Variants in ALOX5AP observed in about 807,000 individuals in gnomAD.
ALOX5AP encodes arachidonate 5-lipoxygenase activating protein.
ALOX5AP carries 9 observed loss-of-function variants against 18.5 expected under a neutral mutation model. The ratio of observed to expected loss-of-function variants is 0.49; its 90% confidence interval spans 0.29 to 0.85. The LOEUF is 0.85. Among genes scored for constraint, ALOX5AP ranks in the 40% least tolerant of loss-of-function variants. The probability of loss-of-function intolerance (pLI) is 0.08; values close to 1 mark genes in which losing one functional copy is unlikely to be tolerated. For missense variants in ALOX5AP, 172 were observed against 202.5 expected, an observed-to-expected ratio of 0.85 and a Z score of 0.91; for synonymous variants, 81 against 78.6, an observed-to-expected ratio of 1.03 and a Z score of -0.16.
At chr13:30,747,561 G>C (rs1951819239) in intron 2 of ALOX5AP, among the ~76,000 whole-genome samples, 1 of 152,224 alleles carries the variant, frequency 6.6e-6, no homozygotes, top group African/African-American at 2.4e-5. Context: ...GGTTTTTGGA[G>C]AAAAATCCTT....
intron 4 of ALOX5AP, among the ~76,000 whole-genome samples, chr13:30,763,073 C>T (rs1309015461): frequency 1.3e-5 from 2 of 152,128 alleles, no homozygotes; most frequent in African/African-American, 2.4e-5. Flanking sequence ...TTTGGGAGGC[C>T]GAGGTGAGTG....
chr13:30,757,973 G>A (rs1000778845), intron 4 of ALOX5AP, among the ~76,000 whole-genome samples: 9 of 152,004 alleles, frequency 5.9e-5, no homozygotes, highest in Admixed American at 1.3e-4. Context: ...CCCATAACCC[G>A]CCATCTGCGC....
intron 4 of ALOX5AP, among the ~76,000 whole-genome samples, chr13:30,762,045 G>T (rs1003519286): frequency 6.6e-6 from 1 of 152,190 alleles, no homozygotes; most frequent in African/African-American, 2.4e-5. Flanking sequence ...AGGAAAACAG[G>T]GAGAGAATGA....
intron 1 of ALOX5AP, among the ~76,000 whole-genome samples, chr13:30,722,373 A>G (rs1951600826): frequency 6.6e-6 from 1 of 152,172 alleles, no homozygotes; most frequent in Non-Finnish European, 1.5e-5. Context: ...AATTCCTTTA[A>G]TGAGAGGCAA....
chr13:30,735,540 T>G, upstream of ALOX5AP: 2 of 1,607,774 alleles, frequency 1.2e-6, no homozygotes. Flanking sequence ...TCACTTCCCC[T>G]TCCTGTACAG....
intron 1 of ALOX5AP, among the ~76,000 whole-genome samples, chr13:30,729,108 A>C (rs1482869964): frequency 6.6e-6 from 1 of 152,044 alleles, no homozygotes; most frequent in East Asian, 1.9e-4. Context: ...ATATGTTGTT[A>C]TTTGAAGAGC....
chr13:30,743,939 G>T, intron 1 of ALOX5AP, 121 bp from the exon 2 acceptor site: 2 of 720,030 alleles, frequency 2.8e-6, no homozygotes, highest in South Asian at 3.2e-5. Flanking sequence ...GTTGATGGAG[G>T]ACATTTAGGG....
intron 1 of ALOX5AP, among the ~76,000 whole-genome samples, chr13:30,719,595 G>T (rs184767939): frequency 2.4e-3 from 370 of 152,230 alleles, no homozygotes; most frequent in African/African-American, 8.0e-3. Context: ...GTTGGTTAGG[G>T]CATTTCCAAG....
intron 2 of ALOX5AP, among the ~76,000 whole-genome samples, chr13:30,745,803 G>A (rs577742782): frequency 6.6e-6 from 1 of 152,296 alleles, no homozygotes; most frequent in East Asian, 1.9e-4. Context: ...CTTTGATGAG[G>A]CAAGGTCAAA....
At chr13:30,763,906 G>T in intron 4 of ALOX5AP, 38 bp from the exon 5 acceptor site, 2 of 1,592,180 alleles carry the variant, frequency 1.3e-6, no homozygotes, top group Middle Eastern at 1.7e-4. Context: ...GGTGTCATTC[G>T]CACTGCATCT....
chr13:30,745,817 T>C (rs4147063), intron 2 of ALOX5AP, among the ~76,000 whole-genome samples: 77,925 of 151,910 alleles, frequency 0.51, 20,550 homozygotes, highest in African/African-American at 0.63. Context: ...GGTCAAAACT[T>C]CTCCCCAGAC....
chr13:30,734,346 A>G (rs1007154999), upstream of ALOX5AP, among the ~76,000 whole-genome samples: 13 of 151,894 alleles, frequency 8.6e-5, no homozygotes, highest in African/African-American at 3.1e-4. Context: ...TGAGGGAGCA[A>G]TATCTTCCCC....
At chr13:30,730,793 G>A (rs756640829), upstream of ALOX5AP, among the ~76,000 whole-genome samples, 13 of 150,450 alleles carry the variant, frequency 8.6e-5, no homozygotes, top group South Asian at 2.1e-3. Context: ...CAGCAGCTGG[G>A]CAGAGCCTCG....
intron 1 of ALOX5AP, among the ~76,000 whole-genome samples, chr13:30,718,773 T>A (rs1951570108): frequency 6.6e-6 from 1 of 152,184 alleles, no homozygotes. Flanking sequence ...CTCCCAGGCC[T>A]CCTGTAAAAC....
chr13:30,748,075 T>C (rs903143696), intron 2 of ALOX5AP, among the ~76,000 whole-genome samples: 2 of 152,028 alleles, frequency 1.3e-5, no homozygotes, highest in African/African-American at 4.8e-5. Context: ...TGCACCACCA[T>C]GTCCGGCTAA....
At chr13:30,761,120 G>C (rs543951741) in intron 4 of ALOX5AP, among the ~76,000 whole-genome samples, 17 of 152,270 alleles carry the variant, frequency 1.1e-4, no homozygotes, top group African/African-American at 3.6e-4. Flanking sequence ...GAGACTTAAA[G>C]GTGCAGCTAA....
intron 1 of ALOX5AP, among the ~76,000 whole-genome samples, chr13:30,741,132 T>TTTTTTTG (rs1951760234): frequency 1.5e-5 from 1 of 67,184 alleles, no homozygotes; most frequent in Non-Finnish European, 2.8e-5. Flanking sequence ...TTTTTTTTTT[T>TTTTTTTG]TTTTTTGTGA....
chr13:30,740,863 A>G (rs1040561623), intron 1 of ALOX5AP, among the ~76,000 whole-genome samples: 2 of 152,126 alleles, frequency 1.3e-5, no homozygotes, highest in African/African-American at 4.8e-5. Flanking sequence ...AGCCTTAGAG[A>G]AAAGGAAGGG....
Position 30,744,124 on chromosome 13 carries a change from C to A in ALOX5AP, c.135C>A (p.Thr45=). The change falls in exon 2 of 5, where the codon ACC becomes ACA. Residue 45 remains threonine, a synonymous_variant. Coordinates refer to ENST00000380490, the MANE Select transcript of ALOX5AP (RefSeq NM_001629.4). ...AGAATGGGAGGAGCTTCCAGAGGAC[C>A]GGAACACTTGCCTTTGAGCGGGTCT... The part of the protein sequence containing the change: ...RTQNGRSFQR[T]GTLAFERVYT... 2 of 1,613,972 alleles carry A rather than the reference C, an allele frequency of 1.2e-6. No individual in the cohort carries two copies. The highest frequency in any genetic ancestry group is 8.5e-7 in the Non-Finnish European group (1 of 1,179,938).
Sources: gnomAD v4.1 joint callset for allele counts (sites outside exome capture counted in the v4.1 genomes callset) on GRCh38, gnomAD v4.1.1 for gene constraint, MANE v1.5 for transcripts, NCBI Gene and HGNC (gene_info 2026-07-23, HGNC 2026-07-21) for gene names.